Variants in TMEM255B observed in about 807,000 individuals in gnomAD.
TMEM255B encodes the protein transmembrane protein 255B, also known as family with sequence similarity 70, member B.
In TMEM255B, 35 loss-of-function variants were observed where a neutral mutation model predicts 34.5. The ratio of observed to expected loss-of-function variants is 1.01; its 90% CI spans 0.77 to 1.34. TMEM255B has a LOEUF of 1.34. Ranked by LOEUF, TMEM255B falls within the 40% of genes most tolerant of loss-of-function variation. TMEM255B has a pLI of 0.00. For missense variants in TMEM255B, 432 were observed against 433.2 expected (o/e 1.00, Z 0.02); for synonymous variants, 206 against 201.2 (o/e 1.02, Z -0.20).
intron 2 of TMEM255B, among the ~76,000 whole-genome samples, chr13:113,768,421 C>G (rs1252833687): frequency 6.6e-6 from 1 of 152,242 alleles, no homozygotes; most frequent in Non-Finnish European, 1.5e-5. Context: ...TATTTCCCGA[C>G]ATCCCAGTAT....
In TMEM255B at chr13:113,811,948, A is replaced by AAAG; in HGVS notation, c.*47_*48insGAA. 1 of 1,534,482 alleles carries AAAG rather than the reference A, an allele frequency of 6.5e-7. No individual in the cohort carries two copies. The highest frequency in any genetic ancestry group is 1.9e-4 in the Middle Eastern group (1 of 5,352). On this transcript the variant is annotated 3_prime_UTR_variant, in exon 9 of 9. Transcript: ENST00000375353. ...ATAACTTGTTTGTTTTTTTTTTTAA[A>AAAG]AAAAAGGCAGCCTCTAGAAATCCCG...
At chr13:113,781,452 T>TTGCTTTCCTTACA (rs2050665216) in intron 3 of TMEM255B, among the ~76,000 whole-genome samples, 1 of 152,260 alleles carries the variant, frequency 6.6e-6, no homozygotes, top group African/African-American at 2.4e-5. Flanking sequence ...AAAGTATATT[T>TTGCTTTCCTTACA]TGCTTTCCTT....
chr13:113,798,402 A>T (rs1201622860), intron 4 of TMEM255B, among the ~76,000 whole-genome samples: 1 of 147,946 alleles, frequency 6.8e-6, no homozygotes, highest in African/African-American at 2.5e-5. Flanking sequence ...TGATGGATGG[A>T]CAAAAGGATG....
rs2051185072 is a variant in TMEM255B, at chr13:113,806,990, C to T, written c.813+1962C>T. 6.6e-6 allele frequency among the ~76,000 whole-genome samples: 1 copy of T among 152,214 alleles called. No individual in the cohort carries two copies. Among genetic ancestry groups the T allele is most frequent in the Non-Finnish European group, 1.5e-5 (1 of 68,032 alleles). ...CCATGCTGTCTTCCATCCTCAACCTCAGCCGCTGCCCCTCAGGGCCCCAGA... is the reference window on the plus strand; with the variant it reads ...CCATGCTGTCTTCCATCCTCAACCTTAGCCGCTGCCCCTCAGGGCCCCAGA... On this transcript the variant is annotated intron_variant, in intron 8 of 8. Coordinates refer to ENST00000375353, the MANE Select transcript of TMEM255B (RefSeq NM_182614.4). The surrounding 1 kb of genome is among the most constrained non-coding windows in gnomAD (Gnocchi z 4.2).
At chr13:113,768,694 C>T (rs1486908352) in intron 2 of TMEM255B, among the ~76,000 whole-genome samples, 13 of 152,222 alleles carry the variant, frequency 8.5e-5, no homozygotes, top group Admixed American at 7.2e-4. Context: ...TTTTGAAACA[C>T]GGCTGTAGTT....
Position 113,806,684 on chromosome 13 carries a change from T to C in TMEM255B, c.813+1656T>C, listed in dbSNP as rs1331434332. Among the ~76,000 whole-genome samples, 1 of 151,992 alleles carries C rather than the reference T, an allele frequency of 6.6e-6. No homozygotes were observed. The highest frequency in any genetic ancestry group is 1.5e-5 in the Non-Finnish European group (1 of 67,956). ...AGGCAGCTTCATCCTTCCCCAAGCCTCCTGCCCCTGCCCCAGGGACGTCCC... is the reference window on the plus strand; with the variant it reads ...AGGCAGCTTCATCCTTCCCCAAGCCCCCTGCCCCTGCCCCAGGGACGTCCC... On this transcript the variant is annotated intron_variant, in intron 8 of 8. Transcript: ENST00000375353. This position sits in a 1 kb window ranked among gnomAD's most constrained non-coding sequence, Gnocchi z 4.2.
intron 5 of TMEM255B, 108 bp from the exon 6 acceptor site, chr13:113,800,719 C>A: frequency 9.7e-7 from 1 of 1,030,832 alleles, no homozygotes; most frequent in Non-Finnish European, 1.4e-6. Context: ...AGCTGCTTGG[C>A]TGGGCCTCAG....
chr13:113,766,360 G>A (rs1261711028), intron 2 of TMEM255B, 103 bp downstream of exon 2: 1 of 1,538,450 alleles, frequency 6.5e-7, no homozygotes, highest in Non-Finnish European at 8.9e-7. Context: ...GCTGAAGGTG[G>A]GGAGGCTTCG....
rs560629185 is a variant in TMEM255B at position 113,769,146 on chromosome 13, A to T, written c.238A>T (p.Asn80Tyr). Reference protein sequence around the residue: ...LGIIGINLVENRRQMLVAAIV... With the variant: ...LGIIGINLVEYRRQMLVAAIV... ...AATTATTGGCATCAACTTGGTGGAGAATAGAAGGCAAATGGTAAGAAAGTA... is the reference window on the plus strand; with the variant it reads ...AATTATTGGCATCAACTTGGTGGAGTATAGAAGGCAAATGGTAAGAAAGTA... Residue 80 changes from asparagine to tyrosine, a missense_variant, in exon 3 of 9, where the codon AAT becomes TAT. Physicochemically the swap from Asn to Tyr is moderately radical, Grantham distance 143. Coordinates refer to ENST00000375353, the MANE Select transcript of TMEM255B (RefSeq NM_182614.4). The surrounding 1 kb of genome is among the most constrained non-coding windows in gnomAD (Gnocchi z 4.2). 1.2e-6 allele frequency: 2 copies of T among 1,614,078 alleles called. No individual in the cohort carries two copies. The highest frequency in any genetic ancestry group is 1.7e-6 in the Non-Finnish European group (2 of 1,179,992).
chr13:113,807,371 C>T (rs1220156331), intron 8 of TMEM255B, among the ~76,000 whole-genome samples: 105 of 119,866 alleles, frequency 8.8e-4, no homozygotes, highest in African/African-American at 3.3e-3. Context: ...CGAGGGCTTA[C>T]GGGATGTGGG....
At chr13:113,773,439 G>A (rs984755176) in intron 3 of TMEM255B, among the ~76,000 whole-genome samples, 2 of 152,142 alleles carry the variant, frequency 1.3e-5, no homozygotes, top group Non-Finnish European at 2.9e-5. Flanking sequence ...CTATGGCTTC[G>A]GTAAAAACAC....
In TMEM255B at chr13:113,811,930, G is replaced by T. The variant is rs764971434; in HGVS notation, c.*27G>T. The T allele has an allele frequency of 6.5e-7, 1 of 1,537,026 alleles. No homozygotes were observed. On this transcript the variant is annotated 3_prime_UTR_variant, in exon 9 of 9. Transcript: ENST00000375353. ...AGAGGCGTGGAGTAAAAGATAACTT[G>T]TTTGTTTTTTTTTTTAAAAAAAAGG...
chr13:113,794,358 C>T (rs929168466), intron 3 of TMEM255B, among the ~76,000 whole-genome samples: 25 of 152,122 alleles, frequency 1.6e-4, no homozygotes, highest in African/African-American at 6.0e-4. Flanking sequence ...TGTGCCCGAG[C>T]CACAGGCCCT....
At chr13:113,768,063 TAAA>T in intron 2 of TMEM255B, 1 of 397,824 alleles carries the variant, frequency 2.5e-6, no homozygotes, top group South Asian at 1.9e-5. Flanking sequence ...ACTATTTACA[TAAA>T]GAAGTCCGGT....
rs1284360826 is a variant in TMEM255B at position 113,806,142 on chromosome 13, C to T, written c.813+1114C>T. Among the ~76,000 whole-genome samples the T allele has an allele frequency of 6.6e-6, 1 of 152,216 alleles. No individual in the cohort carries two copies. The highest frequency in any genetic ancestry group is 2.4e-5 in the African/African-American group (1 of 41,448). ...GGGACATCCGGGGGAGGCCTGTGCA[C>T]ACTCTGCCCTCACGTCCAGGACAGA... On this transcript the variant is annotated intron_variant, in intron 8 of 8. Transcript: ENST00000375353. This position sits in a 1 kb window ranked among gnomAD's most constrained non-coding sequence, Gnocchi z 4.2.
intron 8 of TMEM255B, among the ~76,000 whole-genome samples, chr13:113,810,405 A>G (rs1193355376): frequency 2.6e-5 from 4 of 152,236 alleles, no homozygotes; most frequent in East Asian, 1.9e-4. Context: ...GAATGTATCA[A>G]TTTAAAATCT....
rs368917590 is a variant in TMEM255B, at chr13:113,811,845, C to T, written c.923C>T (p.Pro308Leu). 8.8e-5 allele frequency: 142 copies of T among 1,613,830 alleles called. No homozygotes were observed. The highest frequency in any genetic ancestry group is 1.6e-4 in the Middle Eastern group (1 of 6,080). ...TCTGGGCTTCCCGGCCAGGCTCCAC[C>T]GTGCTACGCACCCACCTACTTTCCC... is the stretch of plus-strand genomic sequence containing the variant. ...SGSGLPGQAP[P>L]CYAPTYFPPG... The change falls in exon 9 of 9, where the codon CCG becomes CTG. Residue 308 changes from proline to leucine, a missense_variant. Transcript: ENST00000375353.
chr13:113,782,049 G>T (rs954601261), intron 3 of TMEM255B, among the ~76,000 whole-genome samples: 1 of 152,158 alleles, frequency 6.6e-6, no homozygotes, highest in Non-Finnish European at 1.5e-5. Flanking sequence ...ACCAGTTTAT[G>T]ATCTAAAAGC....
chr13:113,815,091 G>A lies in TMEM255B; in HGVS notation c.*3188G>A, dbSNP rs910333351. 1 of 152,130 alleles carries A rather than the reference G, an allele frequency of 6.6e-6. No individual in the cohort carries two copies. Among genetic ancestry groups the A allele is most frequent in the Admixed American group, 6.5e-5 (1 of 15,268 alleles). 9.4% of individuals were successfully genotyped at this position (152,130 alleles called of 1,614,324 possible). A position where few individuals can be genotyped will look rare whatever the true frequency, so the allele number is the denominator to read the frequency against. ...CGTTGAGACTGGCCCCACCTTATTA[G>A]CTTGGGACCTTGGGTTACAGGGAGT... On this transcript the variant is annotated 3_prime_UTR_variant, in exon 9 of 9. Transcript: ENST00000375353.
Sources: gnomAD v4.1 joint callset for allele counts (sites outside exome capture counted in the v4.1 genomes callset) on GRCh38, gnomAD v4.1.1 for gene constraint, Gnocchi (gnomAD v3.1) non-coding constraint, MANE v1.5 for transcripts, NCBI Gene and HGNC (gene_info 2026-07-23, HGNC 2026-07-21) for gene names.